FBN3: variants seen among roughly 807,000 people sequenced by gnomAD.
FBN3 encodes the protein fibrillin-3.
Under a neutral mutation model 330.1 loss-of-function variants are expected in FBN3, and 234 were observed. The ratio of observed to expected loss-of-function variants is 0.71; its 90% CI spans 0.64 to 0.79. FBN3 has a LOEUF of 0.79. Ranked by LOEUF, FBN3 falls within the 30% of genes least tolerant of loss-of-function variation. FBN3 has a pLI of 0.00. For missense variants in FBN3, 3,606 were observed against 3,886.9 expected (o/e 0.93, Z 1.92); for synonymous variants, 1,458 against 1,517.3 (o/e 0.96, Z 0.91).
In FBN3 at chr19:8,145,944, G is replaced by A. The variant is rs1428289998; in HGVS notation, c.350-6C>T. 2 of 1,550,488 alleles carry A rather than the reference G, an allele frequency of 1.3e-6. No homozygotes were observed. The highest frequency in any genetic ancestry group is 1.7e-6 in the Non-Finnish European group (2 of 1,146,464). On this transcript the variant is annotated splice_polypyrimidine_tract_variant and splice_region_variant and intron_variant, in intron 4 of 63. Coordinates refer to ENST00000600128, the MANE Select transcript of FBN3 (RefSeq NM_032447.5). ...GCTCACACTGCACCCTGACCCTGGG[G>A]ACAGGAAGGCAGGACGCATAGTAAT...
intron 61 of FBN3, among the ~76,000 whole-genome samples, chr19:8,074,297 G>A (rs562858595): frequency 2.0e-5 from 3 of 152,182 alleles, no homozygotes; most frequent in South Asian, 2.1e-4. Context: ...CTGGGGGGTG[G>A]GGTCGTGTGG....
At chr19:8,110,779 T>G in intron 34 of FBN3, 66 bp downstream of exon 34, 1 of 1,593,108 alleles carries the variant, frequency 6.3e-7, no homozygotes, top group Non-Finnish European at 8.6e-7. Flanking sequence ...AGTGAGGGAG[T>G]GAGCCATGTC....
chr19:8,118,576 ACACT>A (rs201380125), intron 26 of FBN3, among the ~76,000 whole-genome samples: 6,776 of 152,000 alleles, frequency 0.045, 451 homozygotes, highest in African/African-American at 0.15. Context: ...ACGCACACAC[ACACT>A]CACTCCTCAC....
At chr19:8,122,780 T>G (rs1479841597) in intron 24 of FBN3, among the ~76,000 whole-genome samples, 3 of 151,852 alleles carry the variant, frequency 2.0e-5, no homozygotes, top group Non-Finnish European at 4.4e-5. Context: ...TTCTCCTGCC[T>G]CAGCCTCCCG....
chr19:8,088,480 G>A (rs935382247), intron 51 of FBN3, among the ~76,000 whole-genome samples: 2 of 152,098 alleles, frequency 1.3e-5, no homozygotes, highest in African/African-American at 4.8e-5. Flanking sequence ...AGGCAGGAGG[G>A]TCATTTGAGC....
intron 40 of FBN3, 50 bp from the exon 41 acceptor site, chr19:8,101,022 GC>G (rs778460929): frequency 6.0e-6 from 9 of 1,497,598 alleles, no homozygotes; most frequent in Non-Finnish European, 8.3e-6. Flanking sequence ...CCTGACCCCA[GC>G]CCGCTCCCAA....
At chr19:8,114,390 C>T (rs1163625561) in intron 30 of FBN3, among the ~76,000 whole-genome samples, 5 of 152,094 alleles carry the variant, frequency 3.3e-5, no homozygotes, top group Non-Finnish European at 5.9e-5. Context: ...GCTGGGATTA[C>T]AGGCGTGCGC....
chr19:8,110,026 A>G (rs1344901330), intron 34 of FBN3, among the ~76,000 whole-genome samples: 3 of 152,210 alleles, frequency 2.0e-5, no homozygotes. Context: ...CATGCAGTCA[A>G]CATATGAAAA....
At chr19:8,069,073 A>C (rs17160131) in intron 63 of FBN3, among the ~76,000 whole-genome samples, 13,090 of 152,148 alleles carry the variant, frequency 0.086, 814 homozygotes, top group Admixed American at 0.21. Flanking sequence ...TTTCAGCAGA[A>C]GCCAGCCCCT....
Position 8,108,178 on chromosome 19 carries a change from A to G in FBN3, c.4679T>C (p.Ile1560Thr). 4 of 1,612,470 alleles carry G rather than the reference A, an allele frequency of 2.5e-6. No individual in the cohort carries two copies. Among genetic ancestry groups the G allele is most frequent in the Non-Finnish European group, 3.4e-6 (4 of 1,179,444 alleles). ...ATCTGCCAGGAACTCACCTTCCAGA[A>G]TGACAGTGATGCGGTTAGGCTGGAA... ...EGFQPNRITV[I>T]LEDIDECQEL... The change falls in exon 37 of 64, where the codon ATT becomes ACT. Residue 1560 changes from isoleucine to threonine, a missense_variant. Ile to Thr is a moderately conservative substitution (Grantham distance 89). Coordinates refer to ENST00000600128, the MANE Select transcript of FBN3 (RefSeq NM_032447.5).
intron 12 of FBN3, 23 bp downstream of exon 12, chr19:8,136,166 CT>C (rs770440842): frequency 6.2e-7 from 1 of 1,613,628 alleles, no homozygotes; most frequent in South Asian, 1.1e-5. Context: ...AACATCACCC[CT>C]ACTCTTGGAT....
Position 8,149,421 on chromosome 19 carries a change from C to T in FBN3, c.-18+28G>A, listed in dbSNP as rs1599466025. The T allele has an allele frequency of 6.6e-6, 1 of 152,008 alleles. No individual in the cohort carries two copies. The highest frequency in any genetic ancestry group is 1.9e-4 in the East Asian group (1 of 5,150). 9.4% of individuals were successfully genotyped at this position (152,008 alleles called of 1,614,324 possible). On this transcript the variant is annotated intron_variant, in intron 1 of 63. Transcript: ENST00000600128. This position sits in a 1 kb window ranked among gnomAD's most constrained non-coding sequence, Gnocchi z 5.5. The stretch of plus-strand genomic sequence containing the variant: ...ACCCTTCAGCGCCCGCGATCTCGCC[C>T]CGCCGCTGGCCCCGCGCCTTCACCT...
At chr19:8,107,423 G>A (rs775345704) in intron 37 of FBN3, among the ~76,000 whole-genome samples, 1 of 151,166 alleles carries the variant, frequency 6.6e-6, no homozygotes, top group African/African-American at 2.4e-5. Flanking sequence ...AAGGATGAAT[G>A]GATGAAAGGA....
rs372444818 is a variant in FBN3 at position 8,106,176 on chromosome 19, G to T, written c.4745C>A (p.Thr1582Lys). The T allele has an allele frequency of 1.9e-5, 31 of 1,614,126 alleles. No individual in the cohort carries two copies. Among genetic ancestry groups the T allele is most frequent in the East Asian group, 1.6e-4 (7 of 44,888 alleles). Residue 1582 changes from threonine (T) to lysine (K), a missense_variant, in exon 38 of 64, where the codon ACG (threonine) becomes AAG (lysine). By Grantham distance (78) the Thr-to-Lys change is moderately conservative (BLOSUM62 -1). Transcript: ENST00000600128. The part of the protein sequence containing the change: ...GLCQGGDCVN[T>K]FGSFQCECPP... ...GCACTCACACTGGAAACTGCCAAAC[G>T]TGTTGACGCAGTCACCCCCCTGACA...
Position 8,073,180 on chromosome 19 carries a change from C to T in FBN3, c.7820G>A (p.Gly2607Asp). ...GGCGCACTCATCCACCTCCTGGCAGCCCCCGAGGGCCTGATCAAAGTCAAA... is the reference window on the plus strand; with the variant it reads ...GGCGCACTCATCCACCTCCTGGCAGTCCCCGAGGGCCTGATCAAAGTCAAA... The part of the protein sequence containing the change: ...SGFDFDQALG[G>D]CQEVDECAGR... Residue 2607 changes from glycine to aspartate, a missense_variant, in exon 62 of 64, where the codon GGC becomes GAC. Physicochemically the swap from Gly to Asp is moderately conservative, Grantham distance 94 (BLOSUM62 -1). Coordinates refer to ENST00000600128, the MANE Select transcript of FBN3 (RefSeq NM_032447.5). 2 of 1,613,886 alleles carry T rather than the reference C, an allele frequency of 1.2e-6. No homozygotes were observed. Among genetic ancestry groups the T allele is most frequent in the Non-Finnish European group, 1.7e-6 (2 of 1,179,914 alleles).
Position 8,071,956 on chromosome 19 carries a change from G to T in FBN3, c.8088+92C>A, listed in dbSNP as rs371306929. 293 of 1,313,132 alleles carry T rather than the reference G, an allele frequency of 2.2e-4. No homozygotes were observed. In the African/African-American group the frequency reaches 3.0e-3, roughly 13 times the overall value. 81.3% of individuals were successfully genotyped at this position (1,313,132 alleles called of 1,614,324 possible). A position where few individuals can be genotyped will look rare whatever the true frequency, so the allele number is the denominator to read the frequency against. On this transcript the variant is annotated intron_variant, in intron 63 of 63. Coordinates refer to ENST00000600128, the MANE Select transcript of FBN3 (RefSeq NM_032447.5). The stretch of plus-strand genomic sequence containing the variant: ...ATCTGGAGCCTGGTGCTCCTTCTTG[G>T]GGGGGCTGACATGACTAAGTCGGGT...
chr19:8,108,340 C>A lies in FBN3; in HGVS notation c.4619-102G>T, dbSNP rs998101580. The A allele has an allele frequency of 3.4e-6, 3 of 873,032 alleles. No homozygotes were observed. The South Asian group carries it at 5.0e-5, about 15-fold the overall frequency. 54.1% of individuals were successfully genotyped at this position (873,032 alleles called of 1,614,324 possible). ...AGCCTGAAAAGGGCTCAAGAGTGGGCTCCCATCCTTCTACTGTACTAACGA... is the reference window on the plus strand; with the variant it reads ...AGCCTGAAAAGGGCTCAAGAGTGGGATCCCATCCTTCTACTGTACTAACGA... On this transcript the variant is annotated intron_variant, in intron 36 of 63. Coordinates refer to ENST00000600128, the MANE Select transcript of FBN3 (RefSeq NM_032447.5).
chr19:8,120,165 C>CTTTTTTTTTTTTT (rs34799960), intron 25 of FBN3, among the ~76,000 whole-genome samples: 4 of 127,920 alleles, frequency 3.1e-5, no homozygotes, highest in Non-Finnish European at 4.8e-5. Flanking sequence ...TTCTTTCTTT[C>CTTTTTTTTTTTTT]TTTTTTTTTT....
intron 47 of FBN3, among the ~76,000 whole-genome samples, chr19:8,093,419 C>G (rs903986625): frequency 3.3e-5 from 5 of 151,950 alleles, no homozygotes; most frequent in South Asian, 4.1e-4. Context: ...GTCAGGAGAT[C>G]GAGAGCATCC....
Sources: gnomAD v4.1 joint callset for allele counts (sites outside exome capture counted in the v4.1 genomes callset) on GRCh38, gnomAD v4.1.1 for gene constraint, Gnocchi (gnomAD v3.1) non-coding constraint, MANE v1.5 for transcripts, NCBI Gene and HGNC (gene_info 2026-07-23, HGNC 2026-07-21) for gene names.